Variants in RPSA2 observed in about 807,000 individuals in gnomAD.
RPSA2 encodes the protein small ribosomal subunit protein uS2B.
At chr19:23,763,706 A>T in the RPSA2 span, among the ~76,000 whole-genome samples, 1 of 152,168 alleles carries the variant, frequency 6.6e-6, no homozygotes, top group African/African-American at 2.4e-5. Flanking sequence ...GCCTCAAGTG[A>T]TCCGCCAGCC....
chr19:23,809,763 A>G, the RPSA2 span, among the ~76,000 whole-genome samples: 6 of 151,610 alleles, frequency 4.0e-5, no homozygotes, highest in African/African-American at 1.5e-4. Flanking sequence ...ATAAGATTAC[A>G]TGGTCTACCA....
At chr19:23,822,948 C>A in the RPSA2 span, among the ~76,000 whole-genome samples, 1 of 152,100 alleles carries the variant, frequency 6.6e-6, no homozygotes. Flanking sequence ...CAAAAAGCTG[C>A]CAGGCAAGTC....
chr19:23,774,172 G>A, the RPSA2 span, among the ~76,000 whole-genome samples: 1 of 152,286 alleles, frequency 6.6e-6, no homozygotes, highest in South Asian at 2.1e-4. Flanking sequence ...ACTGCCCACA[G>A]AATGCATTGT....
the RPSA2 span, among the ~76,000 whole-genome samples, chr19:23,776,697 C>T: frequency 6.6e-6 from 1 of 152,150 alleles, no homozygotes; most frequent in African/African-American, 2.4e-5. Flanking sequence ...TTAGGCTCCA[C>T]CTGCTGCAGA....
the RPSA2 span, among the ~76,000 whole-genome samples, chr19:23,829,336 T>A: frequency 6.6e-6 from 1 of 152,232 alleles, no homozygotes; most frequent in Non-Finnish European, 1.5e-5. Flanking sequence ...GTTTTACTCT[T>A]GTTGTCCATG....
the RPSA2 span, among the ~76,000 whole-genome samples, chr19:23,857,175 G>A: frequency 4.6e-5 from 7 of 152,226 alleles, no homozygotes; most frequent in South Asian, 6.2e-4. Flanking sequence ...AGAATTTAGC[G>A]ATATCTGCAC....
the RPSA2 span, among the ~76,000 whole-genome samples, chr19:23,800,324 G>A: frequency 9.4e-3 from 1,427 of 152,194 alleles, 25 homozygotes; most frequent in African/African-American, 0.033. Context: ...ACTGGTGTAA[G>A]CCAGCATGCC....
the RPSA2 span, among the ~76,000 whole-genome samples, chr19:23,767,497 C>T: frequency 6.6e-6 from 1 of 152,048 alleles, no homozygotes; most frequent in Non-Finnish European, 1.5e-5. Flanking sequence ...AAAATTTTTT[C>T]CAAAGGACAA....
chr19:23,838,236 G>A, the RPSA2 span, among the ~76,000 whole-genome samples: 1 of 152,120 alleles, frequency 6.6e-6, no homozygotes, highest in East Asian at 1.9e-4. Flanking sequence ...TTTATGTGGT[G>A]TATCATTTGT....
At chr19:23,759,497 G>C in the RPSA2 span, among the ~76,000 whole-genome samples, 3 of 129,408 alleles carry the variant, frequency 2.3e-5, no homozygotes, top group Non-Finnish European at 4.8e-5. Flanking sequence ...GGCACCTCCA[G>C]CTGCACTTTC....
At chr19:23,781,643 G>A in the RPSA2 span, among the ~76,000 whole-genome samples, 1 of 152,206 alleles carries the variant, frequency 6.6e-6, no homozygotes, top group South Asian at 2.1e-4. Flanking sequence ...CCAGCCTAAG[G>A]CACATAATTT....
At chr19:23,796,935 A>T in the RPSA2 span, among the ~76,000 whole-genome samples, 4 of 150,404 alleles carry the variant, frequency 2.7e-5, no homozygotes, top group African/African-American at 9.8e-5. Context: ...GTCTGCTGCT[A>T]GCTTAGGGAT....
At chr19:23,793,713 C>A in the RPSA2 span, among the ~76,000 whole-genome samples, 1 of 152,090 alleles carries the variant, frequency 6.6e-6, no homozygotes, top group Non-Finnish European at 1.5e-5. Context: ...CAGGTGCCCA[C>A]CACCATCATG....
At chr19:23,851,241 G>C in the RPSA2 span, among the ~76,000 whole-genome samples, 1 of 152,178 alleles carries the variant, frequency 6.6e-6, no homozygotes, top group African/African-American at 2.4e-5. Context: ...TTAATACCAG[G>C]TTCCTGATTT....
chr19:23,836,386 C>A, the RPSA2 span, among the ~76,000 whole-genome samples: 2 of 152,020 alleles, frequency 1.3e-5, no homozygotes, highest in African/African-American at 4.8e-5. Flanking sequence ...CACACACACA[C>A]ACACCCCACA....
chr19:23,829,207 T>A, the RPSA2 span, among the ~76,000 whole-genome samples: 1 of 152,254 alleles, frequency 6.6e-6, no homozygotes, highest in African/African-American at 2.4e-5. Context: ...TGTTATTTTA[T>A]TATGCATTTT....
At chr19:23,784,390 A>G in the RPSA2 span, among the ~76,000 whole-genome samples, 20 of 152,334 alleles carry the variant, frequency 1.3e-4, no homozygotes, top group Admixed American at 4.6e-4. Flanking sequence ...AATGCACTCC[A>G]CAGTTGGAAC....
At chr19:23,847,128 C>T in the RPSA2 span, among the ~76,000 whole-genome samples, 6 of 151,050 alleles carry the variant, frequency 4.0e-5, no homozygotes, top group East Asian at 1.2e-3. Flanking sequence ...TCTTTTTATG[C>T]CTGTTTCAGT....
chr19:23,761,921 T>TCTCTCTCTCTCTCTCTCACTCTCTCTCTC, the RPSA2 span, among the ~76,000 whole-genome samples: 1 of 76,142 alleles, frequency 1.3e-5, no homozygotes, highest in Non-Finnish European at 2.6e-5. Context: ...TCTTTCTTTC[T>TCTCTCTCTCTCTCTCTCACTCTCTCTCTC]TTTTTTTTTT....
Sources: gnomAD v4.1 joint callset for allele counts (sites outside exome capture counted in the v4.1 genomes callset) on GRCh38, gnomAD v4.1.1 for gene constraint, MANE v1.5 for transcripts, NCBI Gene and HGNC (gene_info 2026-07-23, HGNC 2026-07-21) for gene names.